HTRA3: variants seen among roughly 807,000 people sequenced by gnomAD.
HTRA3 encodes the protein serine protease HTRA3.
HTRA3 carries 41 observed loss-of-function variants against 43.2 expected under a neutral mutation model. The observed-to-expected ratio is 0.95, with a 90% CI of 0.74 to 1.23. The LOEUF is 1.23. Among genes scored for constraint, HTRA3 ranks in the 50% most tolerant of loss-of-function variants. The pLI is 0.00. For missense variants in HTRA3, 628 were observed against 647.1 expected (o/e 0.97, Z 0.32); for synonymous variants, 295 against 287.9 (o/e 1.02, Z -0.25).
rs1713881720 is a variant in HTRA3 at position 8,307,036 on chromosome 4, A to G, written c.*900A>G. ...CATTTGTGAGCTTTGCTGTAAATGGATTCCCAGTGTTGCTTGTACTGTATG... is the reference window on the plus strand; with the variant it reads ...CATTTGTGAGCTTTGCTGTAAATGGGTTCCCAGTGTTGCTTGTACTGTATG... On this transcript the variant is annotated 3_prime_UTR_variant, in exon 9 of 9. Transcript: ENST00000307358. This position sits in a 1 kb window ranked among gnomAD's most constrained non-coding sequence, Gnocchi z 6.1. 6.5e-6 allele frequency: 1 copy of G among 152,698 alleles called. No homozygotes were observed. The highest frequency in any genetic ancestry group is 1.5e-5 in the Non-Finnish European group (1 of 68,080). The allele number at this position is 152,698 out of a possible 1,614,324, so 9.5% of individuals were successfully genotyped here.
rs1029340896 is a variant in HTRA3, at chr4:8,297,564, G to A, written c.1051+3363G>A. ...CTGGGGCAGGGCTGTGGCCTCGAGG[G>A]TGAGGGCTGCATGACGGGGCAGGAG... On this transcript the variant is annotated intron_variant, in intron 6 of 8. Transcript: ENST00000307358. The surrounding 1 kb of genome is among the most constrained non-coding windows in gnomAD (Gnocchi z 5.8). Among the ~76,000 whole-genome samples the A allele has an allele frequency of 6.6e-6, 1 of 152,086 alleles. No individual in the cohort carries two copies. The highest frequency in any genetic ancestry group is 2.4e-5 in the African/African-American group (1 of 41,428).
At chr4:8,283,918 C>T (rs1009260267) in intron 2 of HTRA3, among the ~76,000 whole-genome samples, 12 of 152,294 alleles carry the variant, frequency 7.9e-5, no homozygotes, top group East Asian at 5.8e-4. Context: ...GCTGGCTCGG[C>T]GCTTGTCTGG....
chr4:8,285,993 C>T (rs1712945901), intron 2 of HTRA3, among the ~76,000 whole-genome samples: 1 of 152,232 alleles, frequency 6.6e-6, no homozygotes, highest in Non-Finnish European at 1.5e-5. Flanking sequence ...TCTGGGGAGC[C>T]TCCCTTCCTG....
In HTRA3 at chr4:8,286,492, A is replaced by T; in HGVS notation, c.486-69A>T. ...GCTCTGCTCCTCGCTGACCAGCCCC[A>T]CCACTGCGCCTGACTCCCCCGCGTC... On this transcript the variant is annotated intron_variant, in intron 2 of 8. Transcript: ENST00000307358. This position sits in a 1 kb window ranked among gnomAD's most constrained non-coding sequence, Gnocchi z 4.9. 7.8e-7 allele frequency: 1 copy of T among 1,280,168 alleles called. No individual in the cohort carries two copies. The highest frequency in any genetic ancestry group is 1.1e-6 in the Non-Finnish European group (1 of 887,344). 79.3% of individuals were successfully genotyped at this position (1,280,168 alleles called of 1,614,324 possible).
intron 3 of HTRA3, among the ~76,000 whole-genome samples, chr4:8,289,161 G>A (rs1713126003): frequency 6.6e-6 from 1 of 151,854 alleles, no homozygotes; most frequent in South Asian, 2.1e-4. Context: ...TATTGCCCAG[G>A]CTGGTCTAGA....
In HTRA3 at chr4:8,295,716, G is replaced by A. The variant is rs1258720016; in HGVS notation, c.1051+1515G>A. On this transcript the variant is annotated intron_variant, in intron 6 of 8. Transcript: ENST00000307358. The surrounding 1 kb of genome is among the most constrained non-coding windows in gnomAD (Gnocchi z 6.9). ...CCAGCCCCCTCACTGGCAGTTCATT[G>A]AGAGCAGGGGGCTTCCTCACGTTTC... 4.3e-6 allele frequency: 6 copies of A among 1,396,570 alleles called. No individual in the cohort carries two copies. The highest frequency in any genetic ancestry group is 5.6e-6 in the Non-Finnish European group (6 of 1,072,720). The allele number at this position is 1,396,570 out of a possible 1,614,324, so 86.5% of individuals were successfully genotyped here. A position where few individuals can be genotyped will look rare whatever the true frequency, so the allele number is the denominator to read the frequency against.
chr4:8,285,732 C>T (rs942031034), intron 2 of HTRA3, among the ~76,000 whole-genome samples: 1 of 152,220 alleles, frequency 6.6e-6, no homozygotes, highest in Admixed American at 6.5e-5. Context: ...CATCGGCAGA[C>T]ACCAATGCAA....
rs1014369335 is a variant in HTRA3 at position 8,269,973 on chromosome 4, A to G, written c.5A>G (p.Gln2Arg). The change falls in exon 1 of 9, where the codon CAG becomes CGG. Residue 2 changes from glutamine to arginine, a missense_variant. Physicochemically the swap from Gln to Arg is conservative, Grantham distance 43. Coordinates refer to ENST00000307358, the MANE Select transcript of HTRA3 (RefSeq NM_053044.5). MQARALLLAALA... is the reference protein window; with the variant it reads MRARALLLAALA... The stretch of plus-strand genomic sequence containing the variant: ...CCCGCCGCCGGCCCTGCCGCCATGC[A>G]GGCGCGAGCGCTGCTCCTGGCCGCG... 1.7e-6 allele frequency: 2 copies of G among 1,182,454 alleles called. No homozygotes were observed. The highest frequency in any genetic ancestry group is 2.1e-6 in the Non-Finnish European group (2 of 957,842). 73.2% of individuals were successfully genotyped at this position (1,182,454 alleles called of 1,614,324 possible). A position where few individuals can be genotyped will look rare whatever the true frequency, so the allele number is the denominator to read the frequency against.
intron 1 of HTRA3, among the ~76,000 whole-genome samples, chr4:8,277,727 C>T (rs907111986): frequency 3.3e-5 from 5 of 152,210 alleles, no homozygotes; most frequent in Admixed American, 6.5e-5. Flanking sequence ...CAGGACACCC[C>T]AGGCCTTGAA....
chr4:8,277,782 C>T (rs552730404), intron 1 of HTRA3, among the ~76,000 whole-genome samples: 2 of 152,292 alleles, frequency 1.3e-5, no homozygotes, highest in Admixed American at 6.5e-5. Flanking sequence ...CCATGGTCAC[C>T]GTTATGGACA....
chr4:8,302,395 G>A, intron 6 of HTRA3, 68 bp from the exon 7 acceptor site: 1 of 1,431,966 alleles, frequency 7.0e-7, no homozygotes. Flanking sequence ...TCCTCTGCCT[G>A]TCCCCTGAGG....
intron 3 of HTRA3, 129 bp from the exon 4 acceptor site, chr4:8,291,239 TCA>T (rs1341794638): frequency 1.3e-6 from 1 of 782,258 alleles, no homozygotes; most frequent in Non-Finnish European, 2.2e-6. Context: ...GCCTGAGCCT[TCA>T]CAGTCCTGGT....
Position 8,269,964 on chromosome 4 carries a change from C to G in HTRA3, c.-5C>G. On this transcript the variant is annotated 5_prime_UTR_variant, in exon 1 of 9. Coordinates refer to ENST00000307358, the MANE Select transcript of HTRA3 (RefSeq NM_053044.5). ...GCGCTGCCACCCGCCGCCGGCCCTGCCGCCATGCAGGCGCGAGCGCTGCTC... is the reference window on the plus strand; with the variant it reads ...GCGCTGCCACCCGCCGCCGGCCCTGGCGCCATGCAGGCGCGAGCGCTGCTC... 8.7e-7 allele frequency: 1 copy of G among 1,151,926 alleles called. No individual in the cohort carries two copies. The highest frequency in any genetic ancestry group is 1.1e-6 in the Non-Finnish European group (1 of 937,348). The allele number at this position is 1,151,926 out of a possible 1,614,324, so 71.4% of individuals were successfully genotyped here. A position where few individuals can be genotyped will look rare whatever the true frequency, so the allele number is the denominator to read the frequency against.
chr4:8,273,909 C>G (rs4264819), intron 1 of HTRA3, among the ~76,000 whole-genome samples: 110,499 of 150,380 alleles, frequency 0.73, 41,164 homozygotes, highest in Middle Eastern at 0.88. Context: ...GCCTCTCACT[C>G]CCCTCCACCC....
In HTRA3 at chr4:8,306,594, G is replaced by A; in HGVS notation, c.*458G>A. 1 of 162,622 alleles carries A rather than the reference G, an allele frequency of 6.1e-6. No individual in the cohort carries two copies. The allele number at this position is 162,622 out of a possible 1,614,324, so 10.1% of individuals were successfully genotyped here. ...TTCCCTCTGCCCTAGGACTTACCAA[G>A]CTGTAGGGCCAGGGCTGCTGCCTGC... is the stretch of plus-strand genomic sequence containing the variant. On this transcript the variant is annotated 3_prime_UTR_variant, in exon 9 of 9. Transcript: ENST00000307358. The surrounding 1 kb of genome is among the most constrained non-coding windows in gnomAD (Gnocchi z 8.9).
At chr4:8,283,462 G>A (rs539527709) in intron 2 of HTRA3, among the ~76,000 whole-genome samples, 9 of 152,316 alleles carry the variant, frequency 5.9e-5, no homozygotes, top group Admixed American at 3.9e-4. Flanking sequence ...AGAACCTCCC[G>A]CTGTGCAAGC....
intron 1 of HTRA3, among the ~76,000 whole-genome samples, chr4:8,276,288 C>T (rs778418915): frequency 6.6e-6 from 1 of 152,248 alleles, no homozygotes; most frequent in Non-Finnish European, 1.5e-5. Context: ...AAATGGATAA[C>T]AGTGGGACCC....
intron 3 of HTRA3, among the ~76,000 whole-genome samples, chr4:8,290,059 C>A (rs1713171545): frequency 6.6e-6 from 1 of 152,240 alleles, no homozygotes; most frequent in African/African-American, 2.4e-5. Context: ...GCCTCTTCGG[C>A]CGGTCAGCAA....
At chr4:8,288,932 T>C (rs540471771) in intron 3 of HTRA3, among the ~76,000 whole-genome samples, 5 of 137,506 alleles carry the variant, frequency 3.6e-5, no homozygotes, top group South Asian at 2.4e-4. Context: ...CTTCCTTCCT[T>C]CCTCCCTTCC....
Sources: allele counts gnomAD v4.1 joint callset (sites outside exome capture counted in the v4.1 genomes callset), GRCh38; gene constraint gnomAD v4.1.1; non-coding constraint Gnocchi (gnomAD v3.1); transcripts MANE v1.5; gene names NCBI Gene and HGNC (gene_info 2026-07-23, HGNC 2026-07-21).